The following SNPH variants were observed in gnomAD, a reference collection of about 807,000 sequenced individuals.
The protein encoded by SNPH is syntaphilin.
A neutral mutation model predicts 36.8 loss-of-function variants in SNPH; 10 were observed. The ratio of observed to expected loss-of-function variants is 0.27; its 90% CI spans 0.17 to 0.46. The LOEUF (loss-of-function observed/expected upper bound fraction) is 0.46. SNPH is among the 20% of genes least tolerant of loss of function. The probability of loss-of-function intolerance (pLI) is 1.00; values close to 1 mark genes in which losing one functional copy is unlikely to be tolerated. For synonymous variants in SNPH, 281 were observed against 312.2 expected (o/e 0.90, Z 1.05); for missense variants, 622 against 744.0 (o/e 0.84, Z 1.91).
intron 2 of SNPH, among the ~76,000 whole-genome samples, chr20:1,290,743 A>G (rs1054160275): frequency 6.6e-6 from 1 of 152,212 alleles, no homozygotes; most frequent in Non-Finnish European, 1.5e-5. Flanking sequence ...TGGCAATTCT[A>G]TGTTTAACTT....
At chr20:1,297,083 G>T (rs970457203) in intron 4 of SNPH, 62 bp from the exon 5 acceptor site, 5 of 1,542,952 alleles carry the variant, frequency 3.2e-6, no homozygotes, top group Non-Finnish European at 4.4e-6. Flanking sequence ...GGCAGTGTTC[G>T]CCCAGTGTCC....
At chr20:1,267,621 G>C (rs907403261) in intron 2 of SNPH, among the ~76,000 whole-genome samples, 7 of 152,196 alleles carry the variant, frequency 4.6e-5, no homozygotes, top group African/African-American at 1.7e-4. Context: ...TTAGATGCAG[G>C]AATTGGATTA....
Position 1,285,482 on chromosome 20 carries a change from G to T in SNPH, c.-492-9469G>T, listed in dbSNP as rs566695957. Among the ~76,000 whole-genome samples, 1 of 152,138 alleles carries T rather than the reference G, an allele frequency of 6.6e-6. No individual in the cohort carries two copies. The highest frequency in any genetic ancestry group is 1.5e-5 in the Non-Finnish European group (1 of 68,020). On this transcript the variant is annotated intron_variant, in intron 2 of 6. Transcript: ENST00000381867. This position sits in a 1 kb window ranked among gnomAD's most constrained non-coding sequence, Gnocchi z 4.9. ...ATTGAGAATAAGAATATATTCAGGC[G>T]AATAAATAATTACTGCTATTTACGG...
intron 2 of SNPH, among the ~76,000 whole-genome samples, chr20:1,291,142 G>T (rs1447094841): frequency 1.3e-5 from 2 of 152,194 alleles, no homozygotes; most frequent in African/African-American, 4.8e-5. Flanking sequence ...CTAATCACTG[G>T]AGACACATCC....
In SNPH at chr20:1,306,001, C is replaced by T. The variant is rs1269972833; in HGVS notation, c.1564C>T (p.Arg522Cys). Residue 522 changes from arginine to cysteine, a missense_variant, in exon 7 of 7, where the codon CGC (arginine) becomes TGC (cysteine). Transcript: ENST00000381867. ...ALHSIRRISC[R>C]SLSQPSPSPA... ...GCACTCCATCCGCAGGATCAGCTGCCGCTCGCTGAGCCAGCCGAGTCCCAG... is the reference window on the plus strand; with the variant it reads ...GCACTCCATCCGCAGGATCAGCTGCTGCTCGCTGAGCCAGCCGAGTCCCAG... 5 of 1,530,056 alleles carry T rather than the reference C, an allele frequency of 3.3e-6. No individual in the cohort carries two copies. The highest frequency in any genetic ancestry group is 2.8e-5 in the African/African-American group (2 of 72,590). 94.8% of individuals were successfully genotyped at this position (1,530,056 alleles called of 1,614,324 possible). A position where few individuals can be genotyped will look rare whatever the true frequency, so the allele number is the denominator to read the frequency against.
At chr20:1,301,629 A>G (rs974958334) in intron 6 of SNPH, among the ~76,000 whole-genome samples, 1 of 151,484 alleles carries the variant, frequency 6.6e-6, no homozygotes, top group Non-Finnish European at 1.5e-5. Context: ...CATTACCACT[A>G]TCTAATTTCA....
At position 1,306,041 on chromosome 20, in the gene SNPH, G is replaced by T. The variant is rs200425562; in HGVS notation, c.1604G>T (p.Gly535Val). The change falls in exon 7 of 7, where the codon GGC (glycine) becomes GTC (valine). Residue 535 changes from glycine (G) to valine (V), a missense_variant. Around this residue, in one of 3 missense-constraint regions of SNPH, gnomAD observed 379 missense variants for 427.9 expected, o/e 0.89. Transcript: ENST00000381867. ...SQPSPSPAGG[G>V]SQL ...CCGAGTCCCAGCCCAGCGGGCGGCG[G>T]CTCCCAGCTCTGAGGGGGCCCATTC... 2 of 1,468,520 alleles carry T rather than the reference G, an allele frequency of 1.4e-6. No individual in the cohort carries two copies. Among genetic ancestry groups the T allele is most frequent in the South Asian group, 1.4e-5 (1 of 73,862 alleles). 91.0% of individuals were successfully genotyped at this position (1,468,520 alleles called of 1,614,324 possible). A position where few individuals can be genotyped will look rare whatever the true frequency, so the allele number is the denominator to read the frequency against.
rs1326883822 is a variant in SNPH, at chr20:1,266,650, G to T, written c.-599-4G>T. The T allele has an allele frequency of 2.0e-6, 3 of 1,488,148 alleles. No individual in the cohort carries two copies. The highest frequency in any genetic ancestry group is 1.5e-5 in the African/African-American group (1 of 68,218). 92.2% of individuals were successfully genotyped at this position (1,488,148 alleles called of 1,614,324 possible). ...CGGTCTATCTCTTTTTCCTAACCCC[G>T]CAGGTCGCTGATCAGGGCCAGGCGG... On this transcript the variant is annotated splice_region_variant and splice_polypyrimidine_tract_variant and intron_variant, in intron 1 of 6. Transcript: ENST00000381867. This position sits in a 1 kb window ranked among gnomAD's most constrained non-coding sequence, Gnocchi z 6.0.
At chr20:1,277,053 C>T (rs1376317521) in intron 2 of SNPH, among the ~76,000 whole-genome samples, 1 of 151,956 alleles carries the variant, frequency 6.6e-6, no homozygotes, top group Non-Finnish European at 1.5e-5. Context: ...CAAAATCAGG[C>T]CCAGGAGGAA....
intron 2 of SNPH, among the ~76,000 whole-genome samples, chr20:1,284,906 T>C (rs1408981192): frequency 6.6e-6 from 1 of 152,148 alleles, no homozygotes; most frequent in Non-Finnish European, 1.5e-5. Flanking sequence ...ATCCAATTTG[T>C]GTTCTAAAAG....
In SNPH at chr20:1,294,552, G is replaced by T. The variant is rs191193148; in HGVS notation, c.-492-399G>T. On this transcript the variant is annotated intron_variant, in intron 2 of 6. Coordinates refer to ENST00000381867, the MANE Select transcript of SNPH (RefSeq NM_001318234.2). The surrounding 1 kb of genome is among the most constrained non-coding windows in gnomAD (Gnocchi z 4.4). ...AAGCATTGCCAAGCTGGGGCAAGAA[G>T]CTCAGGTGACAGGTGTGGTGTCGGC... Among the ~76,000 whole-genome samples the T allele has an allele frequency of 8.7e-4, 132 of 152,318 alleles. 1 individual carries two copies. The Middle Eastern group carries it at 0.014, about 16-fold the overall frequency.
Position 1,304,130 on chromosome 20 carries a change from G to A in SNPH, c.441-748G>A, listed in dbSNP as rs536382473. ...TGTTCACCTGGTGCTTGCCCCCGTC[G>A]CTCAGGAGTAACTCTATGCCTTTCT... is the stretch of plus-strand genomic sequence containing the variant. On this transcript the variant is annotated intron_variant, in intron 6 of 6. Coordinates refer to ENST00000381867, the MANE Select transcript of SNPH (RefSeq NM_001318234.2). The surrounding 1 kb of genome is among the most constrained non-coding windows in gnomAD (Gnocchi z 4.3). Among the ~76,000 whole-genome samples the A allele has an allele frequency of 6.6e-6, 1 of 152,186 alleles. No homozygotes were observed. Among genetic ancestry groups the A allele is most frequent in the Non-Finnish European group, 1.5e-5 (1 of 68,012 alleles).
intron 2 of SNPH, among the ~76,000 whole-genome samples, chr20:1,275,104 C>T (rs2088116395): frequency 6.6e-6 from 1 of 152,204 alleles, no homozygotes; most frequent in African/African-American, 2.4e-5. Context: ...GGAGGAGCCA[C>T]AGCTCCATCC....
chr20:1,281,185 T>C (rs938621251), intron 2 of SNPH, among the ~76,000 whole-genome samples: 3 of 152,154 alleles, frequency 2.0e-5, no homozygotes, highest in Non-Finnish European at 4.4e-5. Flanking sequence ...CTGGGGACCC[T>C]CAAGAGTCTA....
chr20:1,272,610 A>G (rs1235256086), intron 2 of SNPH, among the ~76,000 whole-genome samples: 16 of 152,238 alleles, frequency 1.1e-4, no homozygotes, highest in Non-Finnish European at 1.9e-4. Flanking sequence ...TGTGTATGTG[A>G]CCGGCCATCC....
chr20:1,282,885 T>G (rs1197528854), intron 2 of SNPH, among the ~76,000 whole-genome samples: 1 of 152,194 alleles, frequency 6.6e-6, no homozygotes, highest in South Asian at 2.1e-4. Flanking sequence ...AGCTTGATTC[T>G]GCCCTAGGAC....
At chr20:1,291,525 C>A (rs754001782) in intron 2 of SNPH, among the ~76,000 whole-genome samples, 120 of 152,288 alleles carry the variant, frequency 7.9e-4, no homozygotes, top group Non-Finnish European at 1.5e-3. Context: ...CACTCCCAGG[C>A]CTGTCTTCTA....
At chr20:1,296,671 G>C (rs1415654983) in intron 4 of SNPH, among the ~76,000 whole-genome samples, 1 of 152,222 alleles carries the variant, frequency 6.6e-6, no homozygotes, top group Non-Finnish European at 1.5e-5. Context: ...CATCAATATT[G>C]TTTGATTTTC....
intron 2 of SNPH, among the ~76,000 whole-genome samples, chr20:1,284,895 G>A (rs1269125684): frequency 6.6e-6 from 1 of 152,212 alleles, no homozygotes; most frequent in East Asian, 1.9e-4. Context: ...GGAATGACCT[G>A]ATCCAATTTG....
Sources: gnomAD v4.1 joint callset for allele counts (sites outside exome capture counted in the v4.1 genomes callset) on GRCh38, gnomAD v4.1.1 for gene constraint, gnomAD v4.1.1 regional missense constraint, Gnocchi (gnomAD v3.1) non-coding constraint, MANE v1.5 for transcripts, NCBI Gene and HGNC (gene_info 2026-07-23, HGNC 2026-07-21) for gene names.